The following ITGB1 variants were observed in gnomAD, a reference collection of about 807,000 sequenced individuals.
ITGB1 encodes the protein integrin beta-1.
A neutral mutation model predicts 86.5 loss-of-function variants in ITGB1; 24 were observed. That is an observed-to-expected ratio of 0.28 (90% CI 0.20 to 0.39). The LOEUF is 0.39. Ranked by LOEUF, ITGB1 falls within the 10% of genes least tolerant of loss-of-function variation. ITGB1 has a pLI of 1.00. For missense variants in ITGB1, 556 were observed against 946.9 expected (o/e 0.59, Z 5.42); for synonymous variants, 323 against 316.8 (o/e 1.02, Z -0.21).
intron 12 of ITGB1, 72 bp downstream of exon 12, chr10:32,911,814 C>A (rs1345474345): frequency 1.4e-6 from 2 of 1,446,152 alleles, no homozygotes; most frequent in Non-Finnish European, 1.9e-6. Context: ...ACTTATGCAC[C>A]AACTAAACTC....
intron 9 of ITGB1, among the ~76,000 whole-genome samples, chr10:32,920,897 C>T (rs983549166): frequency 2.0e-5 from 3 of 151,598 alleles, no homozygotes; most frequent in Admixed American, 6.6e-5. Context: ...ACAGAAGAAT[C>T]GCCTGAACCC....
At position 32,922,742 on chromosome 10, in the gene ITGB1, A is replaced by T; in HGVS notation, c.943-7T>A. 6.8e-7 allele frequency: 1 copy of T among 1,471,884 alleles called. No homozygotes were observed. The highest frequency in any genetic ancestry group is 9.4e-7 in the Non-Finnish European group (1 of 1,058,704). 91.2% of individuals were successfully genotyped at this position (1,471,884 alleles called of 1,614,324 possible). A position where few individuals can be genotyped will look rare whatever the true frequency, so the allele number is the denominator to read the frequency against. ...GAGCAATAGAAGGATAATCCTAAGA[A>T]ATCAAGTAATATAATTTAGTATTTA... On this transcript the variant is annotated splice_region_variant and splice_polypyrimidine_tract_variant and intron_variant, in intron 7 of 15. Coordinates refer to ENST00000302278, the MANE Select transcript of ITGB1 (RefSeq NM_002211.4).
chr10:32,952,847 C>G (rs939311739), intron 1 of ITGB1, among the ~76,000 whole-genome samples: 1 of 152,138 alleles, frequency 6.6e-6, no homozygotes, highest in Admixed American at 6.5e-5. Flanking sequence ...TAGTGCCCAG[C>G]AGAGTGAATG....
chr10:32,901,764 TCA>T, intron 15 of ITGB1, 129 bp from the exon 16 acceptor site: 1 of 622,096 alleles, frequency 1.6e-6, no homozygotes, highest in Non-Finnish European at 2.8e-6. Flanking sequence ...TGTCCAGATA[TCA>T]CAGTTGTTTT....
intron 1 of ITGB1, among the ~76,000 whole-genome samples, chr10:32,950,847 C>T (rs1314938392): frequency 6.6e-6 from 1 of 152,156 alleles, no homozygotes; most frequent in African/African-American, 2.4e-5. Context: ...GAACAGCTCA[C>T]AACACGGCGA....
intron 13 of ITGB1, among the ~76,000 whole-genome samples, chr10:32,911,156 TAAATTA>T (rs1177529329): frequency 1.3e-5 from 2 of 152,152 alleles, no homozygotes; most frequent in Non-Finnish European, 2.9e-5. Flanking sequence ...AATGACAAAT[TAAATTA>T]AATTAAATCT....
chr10:32,901,973 C>G (rs2094883073), intron 15 of ITGB1, among the ~76,000 whole-genome samples: 1 of 152,128 alleles, frequency 6.6e-6, no homozygotes, highest in African/African-American at 2.4e-5. Flanking sequence ...CAATGCCTGC[C>G]TTAATGAAGC....
Position 32,920,186 on chromosome 10 carries a change from A to C in ITGB1, c.1269+59T>G, listed in dbSNP as rs567846688. 69 of 1,580,078 alleles carry C rather than the reference A, an allele frequency of 4.4e-5. No homozygotes were observed. In the East Asian group the frequency reaches 1.2e-3, roughly 27 times the overall value. ...TTATTTTAATGTTTCTCAAACTATA[A>C]ACTAAATTTGCTTATAAATAACCAA... is the stretch of plus-strand genomic sequence containing the variant. On this transcript the variant is annotated intron_variant, in intron 10 of 15. Coordinates refer to ENST00000302278, the MANE Select transcript of ITGB1 (RefSeq NM_002211.4).
chr10:32,955,360 T>C (rs1399109280), intron 1 of ITGB1, among the ~76,000 whole-genome samples: 1 of 152,202 alleles, frequency 6.6e-6, no homozygotes, highest in Admixed American at 6.5e-5. Context: ...TGCTAATATC[T>C]AACAGAAGTC....
intron 15 of ITGB1, chr10:32,906,994 A>T (rs2094898333): frequency 7.3e-6 from 5 of 689,254 alleles, no homozygotes; most frequent in Non-Finnish European, 1.2e-5. Context: ...ATAGTGATAA[A>T]GGACACACAG....
At chr10:32,932,888 C>A (rs2094988535) in intron 2 of ITGB1, among the ~76,000 whole-genome samples, 1 of 151,938 alleles carries the variant, frequency 6.6e-6, no homozygotes, top group South Asian at 2.1e-4. Flanking sequence ...TCCCCTCAGG[C>A]CTTTATCCTT....
chr10:32,935,191 G>A (rs567808858), intron 2 of ITGB1, among the ~76,000 whole-genome samples: 1 of 152,202 alleles, frequency 6.6e-6, no homozygotes, highest in Non-Finnish European at 1.5e-5. Context: ...AAATATACTT[G>A]CTTTTGCCTT....
At chr10:32,925,680 A>C (rs1007195306) in intron 6 of ITGB1, among the ~76,000 whole-genome samples, 191 bp downstream of exon 6, 1 of 152,242 alleles carries the variant, frequency 6.6e-6, no homozygotes, top group Non-Finnish European at 1.5e-5. Flanking sequence ...GTTTGCATAA[A>C]GATTAAATAT....
At chr10:32,922,603 T>C (rs2094953621) in intron 8 of ITGB1, 37 bp downstream of exon 8, 3 of 1,301,362 alleles carry the variant, frequency 2.3e-6, no homozygotes, top group Non-Finnish European at 2.2e-6. Flanking sequence ...CAATCAAAAA[T>C]GTTTAGAATC....
Position 32,901,569 on chromosome 10 carries a change from C to G in ITGB1, c.*1G>C, listed in dbSNP as rs755421136. The G allele has an allele frequency of 8.9e-6, 14 of 1,571,660 alleles. No individual in the cohort carries two copies. The highest frequency in any genetic ancestry group is 1.1e-5 in the Non-Finnish European group (13 of 1,144,892). ...TGTTGTGGGATTTGCACGGGCAGTACTCATTTTCCCTCATACTTCGGATTG... is the reference window on the plus strand; with the variant it reads ...TGTTGTGGGATTTGCACGGGCAGTAGTCATTTTCCCTCATACTTCGGATTG... On this transcript the variant is annotated 3_prime_UTR_variant, in exon 16 of 16. Transcript: ENST00000302278.
chr10:32,948,254 C>A (rs1400805918), intron 1 of ITGB1, among the ~76,000 whole-genome samples: 1 of 152,056 alleles, frequency 6.6e-6, no homozygotes, highest in Non-Finnish European at 1.5e-5. Context: ...CAATCAGATT[C>A]CTGACAAATG....
chr10:32,932,630 T>TGCTTTCAG, intron 2 of ITGB1, 30 bp from the exon 3 acceptor site: 1 of 1,194,470 alleles, frequency 8.4e-7, no homozygotes. Flanking sequence ...ACAGAACATT[T>TGCTTTCAG]TATGTGAAGT....
intron 15 of ITGB1, among the ~76,000 whole-genome samples, chr10:32,903,734 T>TA (rs2137151982): frequency 6.6e-6 from 1 of 152,306 alleles, no homozygotes; most frequent in African/African-American, 2.4e-5. Context: ...CTCTCAGCTC[T>TA]AGTCCCAACT....
intron 1 of ITGB1, among the ~76,000 whole-genome samples, chr10:32,948,902 G>T (rs549560955): frequency 6.9e-6 from 1 of 143,972 alleles, no homozygotes; most frequent in South Asian, 2.2e-4. Context: ...TACCAATTCT[G>T]TGTTTTATTA....
Sources: gnomAD v4.1 joint callset for allele counts (sites outside exome capture counted in the v4.1 genomes callset) on GRCh38, gnomAD v4.1.1 for gene constraint, MANE v1.5 for transcripts, NCBI Gene and HGNC (gene_info 2026-07-23, HGNC 2026-07-21) for gene names.